Variants in TAB2 observed in about 807,000 individuals in gnomAD.
The protein encoded by TAB2 is TGF-beta activated kinase 1 (MAP3K7) binding protein 2, also known as TGF-beta-activated kinase 1 and MAP3K7-binding protein 2.
A neutral mutation model predicts 65.0 loss-of-function variants in TAB2; 3 were observed. The ratio of observed to expected loss-of-function variants is 0.05; its 90% confidence interval spans 0.02 to 0.12. The LOEUF (loss-of-function observed/expected upper bound fraction) is 0.12. TAB2 is among the 10% of genes least tolerant of loss of function. The pLI, the probability that TAB2 is intolerant of heterozygous loss-of-function variation, is 1.00. For missense variants in TAB2, 623 were observed against 840.3 expected, an observed-to-expected ratio of 0.74 and a Z score of 3.20; for synonymous variants, 298 against 285.1, an observed-to-expected ratio of 1.05 and a Z score of -0.46.
At chr6:149,362,370 T>TCA (rs1780879846) in intron 1 of TAB2, among the ~76,000 whole-genome samples, 1 of 152,192 alleles carries the variant, frequency 6.6e-6, no homozygotes. Flanking sequence ...AGGGGGAACC[T>TCA]GGATATCACA....
intron 1 of TAB2, among the ~76,000 whole-genome samples, chr6:149,298,149 A>G (rs982860578): frequency 1.3e-5 from 2 of 152,192 alleles, no homozygotes; most frequent in African/African-American, 4.8e-5. Context: ...AAAGGATTTC[A>G]GGAGATTATA....
chr6:149,249,534 CTCTT>C (rs1426008225), intron 1 of TAB2, among the ~76,000 whole-genome samples: 1 of 151,720 alleles, frequency 6.6e-6, no homozygotes, highest in African/African-American at 2.4e-5. Context: ...GTCTCCCTCT[CTCTT>C]TCTGTCTCTG....
At chr6:149,310,470 C>A (rs966387026) in intron 1 of TAB2, among the ~76,000 whole-genome samples, 1 of 152,052 alleles carries the variant, frequency 6.6e-6, no homozygotes, top group Non-Finnish European at 1.5e-5. Context: ...TTTTAGATTT[C>A]TTCTTACAAA....
At chr6:149,397,580 C>CA in intron 3 of TAB2, 24 bp from the exon 4 acceptor site, 1 of 1,613,652 alleles carries the variant, frequency 6.2e-7, no homozygotes, top group Non-Finnish European at 8.5e-7. Flanking sequence ...GGTGGGTCCT[C>CA]ATGTTTACTA....
chr6:149,408,885 A>AT (rs1299024698), intron 6 of TAB2, among the ~76,000 whole-genome samples: 3 of 152,178 alleles, frequency 2.0e-5, no homozygotes, highest in Non-Finnish European at 2.9e-5. Flanking sequence ...AATGTATATG[A>AT]TTTATCTGAG....
intron 1 of TAB2, among the ~76,000 whole-genome samples, chr6:149,336,882 G>A (rs1249953441): frequency 1.3e-5 from 2 of 151,330 alleles, no homozygotes; most frequent in Non-Finnish European, 2.9e-5. Context: ...GACCCTGAAG[G>A]GATCCAGGGA....
At chr6:149,222,998 C>T (rs1318254709) in intron 1 of TAB2, among the ~76,000 whole-genome samples, 1 of 152,184 alleles carries the variant, frequency 6.6e-6, no homozygotes, top group Non-Finnish European at 1.5e-5. Context: ...TAACTGCCCC[C>T]TTCTATTCAT....
intron 1 of TAB2, among the ~76,000 whole-genome samples, chr6:149,352,352 CA>C: frequency 6.6e-6 from 1 of 152,140 alleles, no homozygotes; most frequent in African/African-American, 2.4e-5. Context: ...ATAGTAGCTG[CA>C]GAATCTGTTT....
intron 1 of TAB2, among the ~76,000 whole-genome samples, chr6:149,295,737 T>C (rs1778863569): frequency 6.6e-6 from 1 of 152,038 alleles, no homozygotes; most frequent in Non-Finnish European, 1.5e-5. Flanking sequence ...ATATTTACTC[T>C]TCTCTGTTAT....
intron 1 of TAB2, among the ~76,000 whole-genome samples, chr6:149,274,199 T>C (rs1435717759): frequency 6.6e-6 from 1 of 152,204 alleles, no homozygotes; most frequent in Non-Finnish European, 1.5e-5. Context: ...AGAATTGCTA[T>C]GGCTGGGTGG....
intron 5 of TAB2, 80 bp downstream of exon 5, chr6:149,398,142 T>A: frequency 8.8e-7 from 1 of 1,139,612 alleles, no homozygotes. Context: ...AACAGACTTA[T>A]CAATCATAAT....
intron 5 of TAB2, 38 bp from the exon 6 acceptor site, chr6:149,399,066 C>A: frequency 6.6e-7 from 1 of 1,516,626 alleles, no homozygotes; most frequent in East Asian, 2.3e-5. Context: ...TGTTTTTGAG[C>A]TATAAGCATT....
At chr6:149,306,366 C>G (rs934779635) in intron 1 of TAB2, among the ~76,000 whole-genome samples, 2 of 151,720 alleles carry the variant, frequency 1.3e-5, no homozygotes, top group African/African-American at 4.9e-5. Flanking sequence ...CGGTGAAACC[C>G]CGTCTCCACT....
chr6:149,361,411 T>TG (rs769845869), intron 1 of TAB2, among the ~76,000 whole-genome samples: 24 of 152,186 alleles, frequency 1.6e-4, no homozygotes, highest in Non-Finnish European at 3.1e-4. Context: ...GAGTTGTTCT[T>TG]GGGGCCCTTT....
chr6:149,373,684 C>CT (rs1250975757), intron 2 of TAB2, among the ~76,000 whole-genome samples: 1 of 152,100 alleles, frequency 6.6e-6, no homozygotes, highest in African/African-American at 2.4e-5. Context: ...TGATTCAGAC[C>CT]TTTTTATAGC....
chr6:149,248,428 AAAGGAAGGAAGGAAGGAAGGAAGAAAAG>A (rs1777779490), intron 1 of TAB2, among the ~76,000 whole-genome samples: 1 of 117,248 alleles, frequency 8.5e-6, no homozygotes, highest in Non-Finnish European at 1.7e-5. Flanking sequence ...AAAAAGAAAG[AAAGGAAGGAAGGAAGGAAGGAAGAAAAG>A]AAGGAAGGAA....
chr6:149,227,593 G>C (rs1356341179), intron 1 of TAB2, among the ~76,000 whole-genome samples: 1 of 152,218 alleles, frequency 6.6e-6, no homozygotes, highest in Non-Finnish European at 1.5e-5. Flanking sequence ...TCACTCGGGG[G>C]TGAGGCCGGC....
intron 1 of TAB2, among the ~76,000 whole-genome samples, chr6:149,335,654 A>G (rs1283798399): frequency 1.3e-5 from 2 of 152,130 alleles, no homozygotes; most frequent in African/African-American, 4.8e-5. Flanking sequence ...GATTACAGGT[A>G]TGAGCCACTA....
At chr6:149,356,360 C>T (rs980042246) in intron 1 of TAB2, among the ~76,000 whole-genome samples, 3 of 152,118 alleles carry the variant, frequency 2.0e-5, no homozygotes, top group African/African-American at 7.2e-5. Flanking sequence ...AACCATTAAA[C>T]AAGGTTACAG....
Sources: gnomAD v4.1 joint callset for allele counts (sites outside exome capture counted in the v4.1 genomes callset) on GRCh38, gnomAD v4.1.1 for gene constraint, MANE v1.5 for transcripts, NCBI Gene and HGNC (gene_info 2026-07-23, HGNC 2026-07-21) for gene names.